The following IARS2 variants were observed in gnomAD, a reference collection of about 807,000 sequenced individuals.
The protein encoded by IARS2 is isoleucyl-tRNA synthetase 2, mitochondrial, also known as isoleucine--tRNA ligase, mitochondrial.
A neutral mutation model predicts 126.3 loss-of-function variants in IARS2; 56 were observed. That is an observed-to-expected ratio of 0.44 (90% CI 0.36 to 0.55). The LOEUF (loss-of-function observed/expected upper bound fraction) is 0.55, where lower values mean the gene tolerates loss of function less well. Among genes scored for constraint, IARS2 ranks in the 20% least tolerant of loss-of-function variants. The pLI, the probability that IARS2 is intolerant of heterozygous loss-of-function variation, is 0.00. For missense variants in IARS2, 1,127 were observed against 1,245.9 expected (o/e 0.90, Z 1.44); for synonymous variants, 407 against 441.1 (o/e 0.92, Z 0.97).
At chr1:220,106,926 C>T (rs763536393) in intron 9 of IARS2, 135 bp from the exon 10 acceptor site, 13 of 659,544 alleles carry the variant, frequency 2.0e-5, no homozygotes, top group African/African-American at 7.3e-5. Context: ...GTGCCGCGCC[C>T]GGCCAAGTAC....
At chr1:220,108,675 G>A (rs891555801) in intron 10 of IARS2, among the ~76,000 whole-genome samples, 21 of 151,368 alleles carry the variant, frequency 1.4e-4, no homozygotes, top group South Asian at 4.2e-4. Flanking sequence ...ATGAGCCACC[G>A]CACCCGGCCT....
intron 11 of IARS2, among the ~76,000 whole-genome samples, chr1:220,113,237 C>A (rs904579646): frequency 6.6e-5 from 10 of 152,136 alleles, no homozygotes; most frequent in Non-Finnish European, 1.2e-4. Flanking sequence ...TTAGCAAAAT[C>A]AAATATCTAT....
At chr1:220,122,667 G>A (rs1164677666) in intron 12 of IARS2, among the ~76,000 whole-genome samples, 1 of 152,148 alleles carries the variant, frequency 6.6e-6, no homozygotes, top group African/African-American at 2.4e-5. Flanking sequence ...CAATTAGCAA[G>A]TGCTTGTAAA....
chr1:220,097,380 T>C (rs927563413), intron 2 of IARS2, among the ~76,000 whole-genome samples: 6 of 151,132 alleles, frequency 4.0e-5, no homozygotes, highest in Admixed American at 6.6e-5. Flanking sequence ...TTTTTTTTTT[T>C]TGAGACAGAG....
intron 10 of IARS2, among the ~76,000 whole-genome samples, chr1:220,108,560 TA>T (rs1055669408): frequency 2.6e-5 from 4 of 151,956 alleles, no homozygotes; most frequent in African/African-American, 9.7e-5. Context: ...TAATTTTTTG[TA>T]TTTTTAGTAG....
At chr1:220,099,992 C>T (rs2102817382) in intron 2 of IARS2, among the ~76,000 whole-genome samples, 1 of 152,260 alleles carries the variant, frequency 6.6e-6, no homozygotes, top group South Asian at 2.1e-4. Flanking sequence ...GCACTGTTTC[C>T]TCTTGGGAAG....
At chr1:220,140,974 A>G (rs1257612974) in intron 19 of IARS2, among the ~76,000 whole-genome samples, 1 of 133,620 alleles carries the variant, frequency 7.5e-6, no homozygotes, top group Non-Finnish European at 1.6e-5. Context: ...ACAGAGCAAG[A>G]CTCCGTCTCA....
chr1:220,105,843 G>T (rs1490829303), intron 8 of IARS2, 48 bp from the exon 9 acceptor site: 1 of 1,504,918 alleles, frequency 6.6e-7, no homozygotes, highest in Non-Finnish European at 9.2e-7. Context: ...TAAGGAGATA[G>T]ATTTGCCATA....
chr1:220,143,793 A>G (rs527636971), intron 21 of IARS2, among the ~76,000 whole-genome samples: 3 of 152,358 alleles, frequency 2.0e-5, no homozygotes, highest in South Asian at 4.1e-4. Context: ...AAGGGCCATC[A>G]GAATTTTATT....
chr1:220,134,555 T>A (rs759523396), intron 15 of IARS2, 45 bp downstream of exon 15: 1 of 1,211,314 alleles, frequency 8.3e-7, no homozygotes, highest in Non-Finnish European at 1.2e-6. Context: ...CCTGCCAGTG[T>A]GTGAAGCACT....
Position 220,110,783 on chromosome 1 carries a change from A to C in IARS2, c.1328-3A>C. 1 of 1,573,884 alleles carries C rather than the reference A, an allele frequency of 6.4e-7. No individual in the cohort carries two copies. The highest frequency in any genetic ancestry group is 8.6e-7 in the Non-Finnish European group (1 of 1,161,622). ...GTCTAATTTGGTGTTTTTTTTTTTA[A>C]AGTTATAAAGATGCTTCAGACTGCA... On this transcript the variant is annotated splice_region_variant and splice_polypyrimidine_tract_variant and intron_variant, in intron 10 of 22. Transcript: ENST00000366922.
intron 14 of IARS2, among the ~76,000 whole-genome samples, chr1:220,132,108 T>C (rs1489461483): frequency 6.6e-6 from 1 of 152,186 alleles, no homozygotes; most frequent in Admixed American, 6.5e-5. Flanking sequence ...TTGAGGATTT[T>C]TGTGTCTTTG....
rs184209183 is a variant in IARS2, at chr1:220,106,471, G to A, written c.1236+411G>A. Among the ~76,000 whole-genome samples the A allele has an allele frequency of 2.9e-3, 448 of 152,142 alleles. 1 individual carries two copies. Among genetic ancestry groups the A allele is most frequent in the African/African-American group, 6.3e-3 (263 of 41,502 alleles). On this transcript the variant is annotated intron_variant, in intron 9 of 22. Transcript: ENST00000366922. ...CAGAAAGGGAACAACTGTGTATATA[G>A]GCATAGATTTGGAAACAATAGAGAC...
rs1280146030 is a variant in IARS2 at position 220,140,223 on chromosome 1, T to C, written c.2348T>C (p.Val783Ala). The C allele has an allele frequency of 6.2e-7, 1 of 1,613,322 alleles. No homozygotes were observed. Among genetic ancestry groups the C allele is most frequent in the Admixed American group, 1.7e-5 (1 of 60,004 alleles). ...LYKQYDFGKV[V>A]RLLRTFYTRE... The stretch of plus-strand genomic sequence containing the variant: ...AAACAATATGATTTTGGAAAAGTTG[T>C]TCGGCTGTTACGGACGTTTTATACC... Residue 783 changes from valine to alanine, a missense_variant, in exon 19 of 23, where the codon GTT (valine) becomes GCT (alanine). By Grantham distance (64) the Val-to-Ala change is moderately conservative. Transcript: ENST00000366922.
rs1656599778 is a variant in IARS2 at position 220,102,542 on chromosome 1, G to T, written c.797G>T (p.Ser266Ile). The stretch of plus-strand genomic sequence containing the variant: ...CTTGAATATAATCCTGAGCATGTCA[G>T]TCGTTCAATATATGTAAAATTTCCT... ...AELEYNPEHV[S>I]RSIYVKFPLL... Residue 266 changes from serine (S) to isoleucine (I), a missense_variant, in exon 6 of 23, where the codon AGT (serine) becomes ATT (isoleucine). Coordinates refer to ENST00000366922, the MANE Select transcript of IARS2 (RefSeq NM_018060.4). The T allele has an allele frequency of 6.2e-7, 1 of 1,613,984 alleles. No homozygotes were observed. The highest frequency in any genetic ancestry group is 8.5e-7 in the Non-Finnish European group (1 of 1,179,958).
Position 220,145,662 on chromosome 1 carries a change from G to A in IARS2, c.2896+9G>A, listed in dbSNP as rs1373580628. On this transcript the variant is annotated intron_variant, in intron 22 of 22. Transcript: ENST00000366922. Reference sequence around the variant, plus strand: ...CCTCATCAACTTAGAAGGTAAGAAGGAGATGAAAGTAACAAGTAACATCTG... The same window carrying A: ...CCTCATCAACTTAGAAGGTAAGAAGAAGATGAAAGTAACAAGTAACATCTG... 1 of 1,605,818 alleles carries A rather than the reference G, an allele frequency of 6.2e-7. No homozygotes were observed.
intron 2 of IARS2, among the ~76,000 whole-genome samples, chr1:220,099,160 C>T (rs943581701): frequency 6.8e-6 from 1 of 146,720 alleles, no homozygotes; most frequent in African/African-American, 2.5e-5. Context: ...TGCAGTGAGC[C>T]GAGATTGTAC....
Position 220,102,188 on chromosome 1 carries a change from A to G in IARS2, c.610A>G (p.Ile204Val), listed in dbSNP as rs767135644. The change falls in exon 4 of 23, where the codon ATA becomes GTA. Residue 204 changes from isoleucine (I) to valine (V), a missense_variant. By Grantham distance (29) the Ile-to-Val change is conservative. Coordinates refer to ENST00000366922, the MANE Select transcript of IARS2 (RefSeq NM_018060.4). ...GAAATCAGCATTTATTCGTTGGGGA[A>G]TAATGGCAGATTGGAATAATTGCTA... Reference protein sequence around the residue: ...KQKSAFIRWGIMADWNNCYYT... With the variant: ...KQKSAFIRWGVMADWNNCYYT... 6.2e-7 allele frequency: 1 copy of G among 1,612,460 alleles called. No individual in the cohort carries two copies. The highest frequency in any genetic ancestry group is 2.2e-5 in the East Asian group (1 of 44,856).
chr1:220,107,143 C>T lies in IARS2; in HGVS notation c.1319C>T (p.Thr440Ile). The T allele has an allele frequency of 6.2e-7, 1 of 1,609,310 alleles. No individual in the cohort carries two copies. The highest frequency in any genetic ancestry group is 8.5e-7 in the Non-Finnish European group (1 of 1,175,656). The part of the protein sequence containing the change: ...LQNKAVLEEG[T>I]DVVIKMLQTA... ...AACAAGGCTGTCCTTGAAGAGGGAA[C>T]TGATGTGGGTGAGCATCATATCTGT... Residue 440 changes from threonine to isoleucine, a missense_variant, in exon 10 of 23, where the codon ACT becomes ATT. Thr to Ile is a moderately conservative substitution (Grantham distance 89). Transcript: ENST00000366922.
Sources: allele counts gnomAD v4.1 joint callset (sites outside exome capture counted in the v4.1 genomes callset), GRCh38; gene constraint gnomAD v4.1.1; transcripts MANE v1.5; gene names NCBI Gene and HGNC (gene_info 2026-07-23, HGNC 2026-07-21).